Variants in FANCD2OS observed in about 807,000 individuals in gnomAD.
FANCD2OS encodes FANCD2 opposite strand protein.
In FANCD2OS, 11 loss-of-function variants were observed where a neutral mutation model predicts 13.2. The ratio of observed to expected loss-of-function variants is 0.83; its 90% CI spans 0.52 to 1.38. The LOEUF (loss-of-function observed/expected upper bound fraction) is 1.38, where lower values mean the gene tolerates loss of function less well. Among genes scored for constraint, FANCD2OS ranks in the 40% most tolerant of loss-of-function variants. The pLI is 0.00. For synonymous variants in FANCD2OS, 69 were observed against 84.5 expected, an observed-to-expected ratio of 0.82 and a Z score of 1.01; for missense variants, 217 against 213.9, an observed-to-expected ratio of 1.01 and a Z score of -0.09.
Position 10,085,665 on chromosome 3 carries a change from C to T in FANCD2OS, c.*44-4134G>A, listed in dbSNP as rs971793911. 1.2e-5 allele frequency: 8 copies of T among 680,752 alleles called. No individual in the cohort carries two copies. In the African/African-American group the frequency reaches 1.4e-4, roughly 12 times the overall value. 42.2% of individuals were successfully genotyped at this position (680,752 alleles called of 1,614,324 possible). A position where few individuals can be genotyped will look rare whatever the true frequency, so the allele number is the denominator to read the frequency against. On this transcript the variant is annotated intron_variant, in intron 2 of 2. Transcript: ENST00000524279. Reference sequence around the variant, plus strand: ...TCAGCCTCCCGAAGTGCTGGGATTACAGGTGTGAGCCACCACGCCCGACCT... The same window carrying T: ...TCAGCCTCCCGAAGTGCTGGGATTATAGGTGTGAGCCACCACGCCCGACCT...
downstream of FANCD2OS, chr3:10,098,589 G>A: frequency 9.4e-7 from 1 of 1,063,572 alleles, no homozygotes; most frequent in Non-Finnish European, 1.4e-6. Context: ...TCACAAGTTG[G>A]TATCCATGTT....
intron 2 of FANCD2OS, chr3:10,085,679 C>T (rs1694150042): frequency 1.4e-6 from 1 of 721,950 alleles, no homozygotes; most frequent in South Asian, 1.4e-5. Context: ...TGTGAGCCAC[C>T]ACGCCCGACC....
downstream of FANCD2OS, chr3:10,103,849 T>G (rs1196820542): frequency 5.7e-6 from 1 of 175,898 alleles, no homozygotes; most frequent in African/African-American, 2.4e-5. Context: ...ATATATAGAT[T>G]TTTGACATCC....
At chr3:10,081,648 T>G in intron 2 of FANCD2OS, 1 of 648,504 alleles carries the variant, frequency 1.5e-6, no homozygotes, top group Non-Finnish European at 2.8e-6. Context: ...TCTGAGTCCT[T>G]TGGAGCCACT....
Position 10,103,993 on chromosome 3 carries a change from G to T in FANCD2OS, c.*248C>A, listed in dbSNP as rs7625186. On this transcript the variant is annotated 3_prime_UTR_variant, in exon 2 of 2. Coordinates refer to ENST00000450660, the MANE Select transcript of FANCD2OS (RefSeq NM_001164839.2). ...TCATTTGTTTAACGGTTATCACATG[G>T]ACATGTCAATGCTAGTTTGACTCTA... The T allele has an allele frequency of 0.012, 5,835 of 500,768 alleles. 290 individuals are homozygous for T. Among genetic ancestry groups the T allele is most frequent in the African/African-American group, 0.1 (5,286 of 52,130 alleles). 31.0% of individuals were successfully genotyped at this position (500,768 alleles called of 1,614,324 possible).
intron 2 of FANCD2OS, among the ~76,000 whole-genome samples, chr3:10,085,065 C>T (rs898842230): frequency 9.2e-5 from 14 of 152,262 alleles, no homozygotes; most frequent in African/African-American, 3.1e-4. Context: ...CAAGACTTGA[C>T]TCATTAATGT....
exon 3 of FANCD2OS, chr3:10,081,388 G>A (rs1398763985): frequency 1.2e-6 from 2 of 1,614,174 alleles, no homozygotes; most frequent in Non-Finnish European, 8.5e-7. Context: ...TGGACCAGGA[G>A]TGAAAGTTCA....
chr3:10,086,042 C>T (rs1694178601), intron 2 of FANCD2OS: 2 of 723,350 alleles, frequency 2.8e-6, no homozygotes, highest in East Asian at 2.7e-5. Flanking sequence ...TTATTTTCAG[C>T]TACTCTCCTC....
chr3:10,104,951 T>G (rs1559414683), intron 1 of FANCD2OS, among the ~76,000 whole-genome samples, 169 bp from the exon 2 acceptor site: 3 of 152,164 alleles, frequency 2.0e-5, no homozygotes, highest in African/African-American at 7.2e-5. Flanking sequence ...TTTTATTTTA[T>G]TTTTTCTTTT....
downstream of FANCD2OS, chr3:10,098,643 G>T (rs1695120885): frequency 6.4e-7 from 1 of 1,556,308 alleles, no homozygotes; most frequent in South Asian, 1.2e-5. Context: ...TGTATTGCCT[G>T]TAAACTCAAC....
At chr3:10,098,572 T>C (rs2093166496), downstream of FANCD2OS, 2 of 902,310 alleles carry the variant, frequency 2.2e-6, no homozygotes, top group Admixed American at 2.3e-5. Flanking sequence ...CTCCTCTAGA[T>C]GCTGAATCAC....
downstream of FANCD2OS, among the ~76,000 whole-genome samples, chr3:10,100,133 AG>A (rs1422301313): frequency 6.6e-6 from 1 of 151,932 alleles, no homozygotes; most frequent in Admixed American, 6.6e-5. Flanking sequence ...GGCTGCAGTG[AG>A]CCATCATCAC....
rs1461148174 is a variant in FANCD2OS at position 10,104,190 on chromosome 3, G to A, written c.*51C>T. On this transcript the variant is annotated 3_prime_UTR_variant, in exon 2 of 2. Transcript: ENST00000450660. The stretch of plus-strand genomic sequence containing the variant: ...ATGGACAGGTTTCTGTAAGCTTTAG[G>A]TACATACCAAAGGGCATGGTGTGAG... 1.4e-6 allele frequency: 2 copies of A among 1,472,858 alleles called. No homozygotes were observed. 91.2% of individuals were successfully genotyped at this position (1,472,858 alleles called of 1,614,324 possible).
chr3:10,099,919 G>A (rs1307310877), downstream of FANCD2OS, among the ~76,000 whole-genome samples: 1 of 152,212 alleles, frequency 6.6e-6, no homozygotes, highest in Admixed American at 6.5e-5. Context: ...AGTCTGGCCT[G>A]ATGGGGTGGC....
chr3:10,098,708 A>G (rs1302907439), downstream of FANCD2OS: 4 of 1,614,054 alleles, frequency 2.5e-6, no homozygotes, highest in Non-Finnish European at 3.4e-6. Flanking sequence ...TTCTTGGTCC[A>G]TTCACATTTA....
chr3:10,085,873 A>G (rs767075732), intron 2 of FANCD2OS: 1 of 1,613,900 alleles, frequency 6.2e-7, no homozygotes. Flanking sequence ...TGTCCTTAGT[A>G]GCCGACTGAA....
Position 10,092,206 on chromosome 3 carries a change from G to A in FANCD2OS, c.*44-10675C>T, listed in dbSNP as rs757499508. Reference sequence around the variant, plus strand: ...ATTCATGAAGAGAAACTCCTCTACTGGAACATGGCTGTTCGAGACTTCAGT... The same window carrying A: ...ATTCATGAAGAGAAACTCCTCTACTAGAACATGGCTGTTCGAGACTTCAGT... On this transcript the variant is annotated intron_variant, in intron 2 of 2. Transcript: ENST00000524279. 19 of 1,614,010 alleles carry A rather than the reference G, an allele frequency of 1.2e-5. No homozygotes were observed. The highest frequency in any genetic ancestry group is 1.4e-5 in the Non-Finnish European group (16 of 1,179,896).
At chr3:10,096,308 T>C in intron 2 of FANCD2OS, 3 of 1,613,488 alleles carry the variant, frequency 1.9e-6, no homozygotes, top group Non-Finnish European at 2.5e-6. Flanking sequence ...AAGATGGATG[T>C]TATTTATTTC....
At chr3:10,094,311 C>T (rs748630648) in intron 2 of FANCD2OS, 1 of 1,614,052 alleles carries the variant, frequency 6.2e-7, no homozygotes, top group South Asian at 1.1e-5. Context: ...TTTGTGGAAG[C>T]ATTTCTGAAG....
Sources: gnomAD v4.1 joint callset for allele counts (sites outside exome capture counted in the v4.1 genomes callset) on GRCh38, gnomAD v4.1.1 for gene constraint, MANE v1.5 for transcripts, NCBI Gene and HGNC (gene_info 2026-07-23, HGNC 2026-07-21) for gene names.